The following PHF21A variants were observed in gnomAD, a reference collection of about 807,000 sequenced individuals.
PHF21A encodes PHD finger protein 21A.
In PHF21A, 11 loss-of-function variants were observed where a neutral mutation model predicts 82.5. The ratio of observed to expected loss-of-function variants is 0.13; its 90% CI spans 0.08 to 0.22. The LOEUF is 0.22. PHF21A is among the 10% of genes least tolerant of loss of function. The pLI, the probability that PHF21A is intolerant of heterozygous loss-of-function variation, is 1.00. For synonymous variants in PHF21A, 297 were observed against 302.8 expected (o/e 0.98, Z 0.20); for missense variants, 579 against 837.8 (o/e 0.69, Z 3.81).
intron 16 of PHF21A, among the ~76,000 whole-genome samples, chr11:45,937,401 A>G (rs970922878): frequency 6.6e-6 from 1 of 152,256 alleles, no homozygotes; most frequent in Non-Finnish European, 1.5e-5. Context: ...AGTCTATAAA[A>G]TATCGACAGC....
intron 6 of PHF21A, among the ~76,000 whole-genome samples, chr11:45,999,507 A>C (rs2095042421): frequency 6.6e-6 from 1 of 152,260 alleles, no homozygotes; most frequent in Non-Finnish European, 1.5e-5. Context: ...ACTAGAAAGT[A>C]GAATTATTCT....
intron 11 of PHF21A, among the ~76,000 whole-genome samples, chr11:45,953,048 A>T (rs1264111183): frequency 6.6e-6 from 1 of 152,206 alleles, no homozygotes; most frequent in Non-Finnish European, 1.5e-5. Context: ...TGAGCTACTG[A>T]TTCATTTGGG....
chr11:46,034,228 C>CG (rs571360040), intron 6 of PHF21A, among the ~76,000 whole-genome samples: 1 of 151,774 alleles, frequency 6.6e-6, no homozygotes, highest in Admixed American at 6.6e-5. Context: ...CCCACCCCCC[C>CG]CTTGCATACT....
rs541154505 is a variant in PHF21A at position 45,949,690 on chromosome 11, C to T, written c.1148-209G>A. 3.3e-5 allele frequency among the ~76,000 whole-genome samples: 5 copies of T among 152,332 alleles called. No individual in the cohort carries two copies. The East Asian group carries it at 5.8e-4, about 18-fold the overall frequency. On this transcript the variant is annotated intron_variant, in intron 12 of 18. Transcript: ENST00000676320. ...ACCTGCAAGACCACGCTGTCCTACA[C>T]GTGGTTCTCTGTTGAGAGTTTAACA... is the stretch of plus-strand genomic sequence containing the variant.
intron 10 of PHF21A, among the ~76,000 whole-genome samples, chr11:45,962,289 G>A (rs1028906259): frequency 6.7e-4 from 73 of 108,784 alleles, no homozygotes; most frequent in African/African-American, 2.3e-3. Context: ...TAGAGAGAAC[G>A]TTGGATACGG....
Position 45,979,863 on chromosome 11 carries a change from G to A in PHF21A, c.257C>T (p.Thr86Ile). ...PLPQSENKLQ[T>I]AQQQPLQQLQ... The stretch of plus-strand genomic sequence containing the variant: ...TTGCTGTAGTGGTTGCTGCTGTGCT[G>A]TTTGTAGTTTGTTTTCAGATTGTGG... Residue 86 changes from threonine to isoleucine, a missense_variant, in exon 7 of 19, where the codon ACA becomes ATA. Thr to Ile is a moderately conservative substitution (Grantham distance 89). Around this residue, in one of 3 missense-constraint regions of PHF21A, gnomAD observed 410 missense variants for 642.1 expected, o/e 0.64. Transcript: ENST00000676320. The A allele has an allele frequency of 1.9e-6, 3 of 1,614,182 alleles. No individual in the cohort carries two copies. The highest frequency in any genetic ancestry group is 2.5e-6 in the Non-Finnish European group (3 of 1,180,038).
chr11:46,027,863 G>A (rs1457218083), intron 6 of PHF21A, among the ~76,000 whole-genome samples: 1 of 152,158 alleles, frequency 6.6e-6, no homozygotes, highest in South Asian at 2.1e-4. Flanking sequence ...TTTGTAGTAA[G>A]TACATAGAAA....
At chr11:46,056,436 A>G (rs1458948050) in intron 6 of PHF21A, among the ~76,000 whole-genome samples, 1 of 152,136 alleles carries the variant, frequency 6.6e-6, no homozygotes, top group Non-Finnish European at 1.5e-5. Flanking sequence ...AAGAACCTGT[A>G]AATCCTGATA....
intron 6 of PHF21A, among the ~76,000 whole-genome samples, chr11:45,990,597 A>G (rs1250798711): frequency 2.0e-5 from 3 of 152,032 alleles, no homozygotes; most frequent in Non-Finnish European, 4.4e-5. Flanking sequence ...TAAGTACTGA[A>G]GCTGTGATTC....
chr11:46,081,593 CAG>C (rs2096792718), intron 4 of PHF21A, among the ~76,000 whole-genome samples: 3 of 152,220 alleles, frequency 2.0e-5, no homozygotes, highest in Admixed American at 2.0e-4. Context: ...TTCAGACAAT[CAG>C]GGGTAGGACA....
At chr11:46,068,800 T>C (rs938774028) in intron 6 of PHF21A, among the ~76,000 whole-genome samples, 7 of 152,272 alleles carry the variant, frequency 4.6e-5, no homozygotes, top group South Asian at 2.1e-4. Context: ...GCACCAAAAA[T>C]ACGTTATTAG....
In PHF21A at chr11:46,091,937, T is replaced by C. The variant is rs568907924; in HGVS notation, c.-196+246A>G. On this transcript the variant is annotated intron_variant, in intron 2 of 18. Coordinates refer to ENST00000676320, the MANE Select transcript of PHF21A (RefSeq NM_001352027.3). Reference sequence around the variant, plus strand: ...AAGGACATTTTTGGAAAACGGGACTTTTACATTTTAACAGGTTATCGAACG... The same window carrying C: ...AAGGACATTTTTGGAAAACGGGACTCTTACATTTTAACAGGTTATCGAACG... 2.0e-5 allele frequency among the ~76,000 whole-genome samples: 3 copies of C among 152,290 alleles called. No individual in the cohort carries two copies. The South Asian group carries it at 6.2e-4, about 32-fold the overall frequency.
At chr11:46,052,635 T>G (rs947565118) in intron 6 of PHF21A, among the ~76,000 whole-genome samples, 1 of 152,198 alleles carries the variant, frequency 6.6e-6, no homozygotes, top group African/African-American at 2.4e-5. Context: ...AAGAAAGATA[T>G]TCATGAAGCT....
chr11:46,106,746 A>G (rs1357381697), intron 1 of PHF21A, among the ~76,000 whole-genome samples: 1 of 152,226 alleles, frequency 6.6e-6, no homozygotes, highest in Non-Finnish European at 1.5e-5. Flanking sequence ...CCTGCGTTCT[A>G]TAAACTGCCT....
chr11:45,970,020 C>A, intron 8 of PHF21A, 116 bp from the exon 9 acceptor site: 1 of 765,286 alleles, frequency 1.3e-6, no homozygotes, highest in South Asian at 1.5e-5. Flanking sequence ...AAGCTTTCAT[C>A]GTAAGTTAAT....
chr11:46,028,312 T>C (rs539782702), intron 6 of PHF21A, among the ~76,000 whole-genome samples: 44 of 152,268 alleles, frequency 2.9e-4, no homozygotes, highest in African/African-American at 1.0e-3. Flanking sequence ...TATTAATTTC[T>C]ATAAAAATAA....
At chr11:46,055,212 C>T (rs1013878753) in intron 6 of PHF21A, among the ~76,000 whole-genome samples, 1 of 152,122 alleles carries the variant, frequency 6.6e-6, no homozygotes, top group East Asian at 1.9e-4. Flanking sequence ...AGATCTCTTA[C>T]CCAAATATAA....
chr11:46,046,459 C>T (rs1369248085), intron 6 of PHF21A, among the ~76,000 whole-genome samples: 1 of 152,154 alleles, frequency 6.6e-6, no homozygotes, highest in Non-Finnish European at 1.5e-5. Context: ...ACAGCCTCAA[C>T]AAGAAACCAG....
intron 6 of PHF21A, among the ~76,000 whole-genome samples, chr11:46,008,531 CG>C (rs2095346994): frequency 6.6e-6 from 1 of 151,936 alleles, no homozygotes; most frequent in Non-Finnish European, 1.5e-5. Flanking sequence ...AGGTAGAAGA[CG>C]GGAAAAGAGT....
Sources: gnomAD v4.1 joint callset for allele counts (sites outside exome capture counted in the v4.1 genomes callset) on GRCh38, gnomAD v4.1.1 for gene constraint, gnomAD v4.1.1 regional missense constraint, MANE v1.5 for transcripts, NCBI Gene and HGNC (gene_info 2026-07-23, HGNC 2026-07-21) for gene names.